The following TMED3 variants were observed in gnomAD, a reference collection of about 807,000 sequenced individuals.
TMED3 encodes the protein transmembrane p24 trafficking protein 3, also known as transmembrane emp24 domain-containing protein 3.
Under a neutral mutation model 15.0 loss-of-function variants are expected in TMED3, and 9 were observed. The ratio of observed to expected loss-of-function variants is 0.60; its 90% CI spans 0.36 to 1.04. The LOEUF (loss-of-function observed/expected upper bound fraction) is 1.04. Among genes scored for constraint, TMED3 ranks in the 50% least tolerant of loss-of-function variants. The probability of loss-of-function intolerance (pLI) is 0.01; values close to 1 mark genes in which losing one functional copy is unlikely to be tolerated. For missense variants in TMED3, 267 were observed against 278.9 expected, an observed-to-expected ratio of 0.96 and a Z score of 0.30; for synonymous variants, 117 against 121.4, an observed-to-expected ratio of 0.96 and a Z score of 0.24.
intron 2 of TMED3, among the ~76,000 whole-genome samples, chr15:79,390,982 G>T (rs1893688738): frequency 6.6e-6 from 1 of 151,266 alleles, no homozygotes; most frequent in Admixed American, 6.6e-5. Flanking sequence ...CTCTTTTCTT[G>T]GTTAATCTTG....
At chr15:79,360,859 A>G (rs1893115318) in intron 2 of TMED3, among the ~76,000 whole-genome samples, 1 of 152,054 alleles carries the variant, frequency 6.6e-6, no homozygotes, top group African/African-American at 2.4e-5. Context: ...TTTAATTTTT[A>G]TATTTTTAGA....
chr15:79,311,384 G>A lies in TMED3; in HGVS notation c.135G>A (p.Val45=), dbSNP rs111695359. 1.1e-4 allele frequency: 170 copies of A among 1,611,908 alleles called. 2 individuals carry two copies. In the Middle Eastern group the frequency reaches 2.0e-3, roughly 19 times the overall value. The part of the protein sequence containing the change: ...DNAKQCFHEE[V]EQGVKFSLDY... ...CCAAGCAGTGCTTCCACGAGGAGGT[G>A]GAGCAGGGCGTGAAGTTCTCCCTGG... Residue 45 remains valine (V), a synonymous_variant, in exon 1 of 3, where the codon GTG becomes GTA. Transcript: ENST00000299705.
At chr15:79,399,574 G>C (rs1038639676) in intron 2 of TMED3, among the ~76,000 whole-genome samples, 3 of 152,192 alleles carry the variant, frequency 2.0e-5, no homozygotes, top group African/African-American at 7.2e-5. Context: ...GGAGCCATGT[G>C]TGGAAGCAAC....
chr15:79,314,066 C>G (rs3784544), intron 2 of TMED3, 61 bp downstream of exon 2: 1 of 1,589,798 alleles, frequency 6.3e-7, no homozygotes, highest in Admixed American at 1.7e-5. Context: ...CTTCATTGGC[C>G]TCTGTCTAGG....
At chr15:79,356,552 A>G (rs1339593129) in intron 2 of TMED3, among the ~76,000 whole-genome samples, 2 of 152,204 alleles carry the variant, frequency 1.3e-5, no homozygotes, top group South Asian at 2.1e-4. Flanking sequence ...GAAGAAGAAA[A>G]TGAACAACAA....
intron 2 of TMED3, among the ~76,000 whole-genome samples, chr15:79,378,145 C>T (rs925200194): frequency 2.6e-5 from 4 of 152,144 alleles, no homozygotes; most frequent in Non-Finnish European, 5.9e-5. Flanking sequence ...TTTCCTATGA[C>T]CATAAGGCTC....
intron 2 of TMED3, among the ~76,000 whole-genome samples, chr15:79,339,178 C>T (rs938828381): frequency 2.6e-5 from 4 of 152,238 alleles, no homozygotes; most frequent in African/African-American, 9.6e-5. Context: ...CTCTCTCTCT[C>T]TGCCTCAGCT....
chr15:79,343,552 G>C (rs1465938214), intron 2 of TMED3, among the ~76,000 whole-genome samples: 4 of 152,024 alleles, frequency 2.6e-5, no homozygotes, highest in Admixed American at 2.0e-4. Context: ...ATTACAAATC[G>C]GGCTTCTATG....
chr15:79,411,572 G>A, exon 3 of TMED3: 1 of 694,314 alleles, frequency 1.4e-6, no homozygotes, highest in Non-Finnish European at 2.6e-6. Context: ...TGAAGTGGGA[G>A]GAAGCTGCTG....
At chr15:79,314,665 T>TA (rs1179048711) in intron 2 of TMED3, 7 of 407,566 alleles carry the variant, frequency 1.7e-5, no homozygotes, top group African/African-American at 1.4e-4. Flanking sequence ...GGTGAGAACT[T>TA]AGTCATGTGG....
At chr15:79,328,597 G>A (rs2058795935) in intron 2 of TMED3, among the ~76,000 whole-genome samples, 1 of 152,160 alleles carries the variant, frequency 6.6e-6, no homozygotes, top group Non-Finnish European at 1.5e-5. Context: ...TGGAGTAAGT[G>A]TATGTGTTGG....
intron 2 of TMED3, among the ~76,000 whole-genome samples, chr15:79,402,629 A>G (rs1327097206): frequency 1.3e-5 from 2 of 152,012 alleles, no homozygotes; most frequent in African/African-American, 2.4e-5. Flanking sequence ...ACTACAAAAA[A>G]AGAAAAAATT....
downstream of TMED3, among the ~76,000 whole-genome samples, chr15:79,325,351 A>C (rs1016954004): frequency 2.6e-5 from 4 of 152,192 alleles, no homozygotes; most frequent in Non-Finnish European, 5.9e-5. Flanking sequence ...GTCTGGTAGT[A>C]AAATGGCTTT....
chr15:79,360,661 C>T lies in TMED3; in HGVS notation c.417+46656C>T, dbSNP rs1893108054. Among the ~76,000 whole-genome samples the T allele has an allele frequency of 2.6e-5, 4 of 151,730 alleles. 1 individual carries two copies. In the South Asian group the frequency reaches 8.3e-4, roughly 31 times the overall value. ...GTGCCTTAAGTGGATTATATATGTC[C>T]AGCGATGCAGGTGTCCAAAAGTGAT... On this transcript the variant is annotated intron_variant, in intron 2 of 2. Transcript: ENST00000424155.
At chr15:79,382,516 G>T (rs1435574364) in intron 2 of TMED3, among the ~76,000 whole-genome samples, 1 of 152,190 alleles carries the variant, frequency 6.6e-6, no homozygotes, top group Non-Finnish European at 1.5e-5. Flanking sequence ...AAAGGGAGAG[G>T]TCATTCTTCC....
At chr15:79,316,206 A>G (rs1330810857) in intron 2 of TMED3, among the ~76,000 whole-genome samples, 1 of 152,258 alleles carries the variant, frequency 6.6e-6, no homozygotes, top group Non-Finnish European at 1.5e-5. Context: ...AACAGGTTCC[A>G]TAGTGACCAG....
rs2058710111 is a variant in TMED3 at position 79,311,131 on chromosome 15, T to C, written c.-119T>C. 1.7e-6 allele frequency: 2 copies of C among 1,173,816 alleles called. No individual in the cohort carries two copies. The highest frequency in any genetic ancestry group is 1.7e-5 in the South Asian group (1 of 59,510). 72.7% of individuals were successfully genotyped at this position (1,173,816 alleles called of 1,614,324 possible). A position where few individuals can be genotyped will look rare whatever the true frequency, so the allele number is the denominator to read the frequency against. On this transcript the variant is annotated 5_prime_UTR_variant, in exon 1 of 3. Transcript: ENST00000299705. ...GCCGGCCCTCCCGGAAGCGCAGAGC[T>C]CCGCTGGTGCCACGTCTATCCCCTT...
chr15:79,339,724 TATG>T lies in TMED3; in HGVS notation c.417+25720_417+25722del, dbSNP rs373241503. On this transcript the variant is annotated intron_variant, in intron 2 of 2. Transcript: ENST00000424155. ...GTAGTAATGGTGGTGGCAATGGTGT[TATG>T]GTGGTGGTGATGACATGATGGTGAT... 1.8e-3 allele frequency among the ~76,000 whole-genome samples: 274 copies of T among 151,830 alleles called. 4 individuals are homozygous for T. The South Asian group carries it at 0.033, about 19-fold the overall frequency.
At chr15:79,375,887 G>T (rs1893415581) in intron 2 of TMED3, among the ~76,000 whole-genome samples, 1 of 152,128 alleles carries the variant, frequency 6.6e-6, no homozygotes, top group Non-Finnish European at 1.5e-5. Flanking sequence ...GAGAAGGAAG[G>T]TGAGTGGTGA....
Sources: allele counts gnomAD v4.1 joint callset (sites outside exome capture counted in the v4.1 genomes callset), GRCh38; gene constraint gnomAD v4.1.1; transcripts MANE v1.5; gene names NCBI Gene and HGNC (gene_info 2026-07-23, HGNC 2026-07-21).